The following ATP8A2 variants were observed in gnomAD, a reference collection of about 807,000 sequenced individuals.
ATP8A2 encodes the protein ATPase phospholipid transporting 8A2, also known as phospholipid-transporting ATPase IB.
ATP8A2 carries 100 observed loss-of-function variants against 165.6 expected under a neutral mutation model. The ratio of observed to expected loss-of-function variants is 0.60; its 90% confidence interval spans 0.51 to 0.71. ATP8A2 has a LOEUF of 0.71. Ranked by LOEUF, ATP8A2 falls within the 30% of genes least tolerant of loss-of-function variation. The pLI is 0.00. For synonymous variants in ATP8A2, 543 were observed against 548.8 expected (o/e 0.99, Z 0.15); for missense variants, 1,227 against 1,479.5 (o/e 0.83, Z 2.80).
chr13:25,519,627 A>G (rs74604172), intron 2 of ATP8A2, among the ~76,000 whole-genome samples: 1,790 of 152,262 alleles, frequency 0.012, 36 homozygotes, highest in African/African-American at 0.041. Context: ...TCATAGAGAA[A>G]TATTCCTGTT....
chr13:25,555,240 C>T lies in ATP8A2; in HGVS notation c.1263+172C>T, dbSNP rs540699468. Among the ~76,000 whole-genome samples, 3 of 152,084 alleles carry T rather than the reference C, an allele frequency of 2.0e-5. No homozygotes were observed. The South Asian group carries it at 6.2e-4, about 32-fold the overall frequency. On this transcript the variant is annotated intron_variant, in intron 13 of 36. Transcript: ENST00000381655. ...TGTGCCAGTAAATATAAGCGTTACT[C>T]AGTTTTGTCTTGCTTTTTGAGACAC...
chr13:25,954,043 G>T (rs1277978600), intron 33 of ATP8A2, among the ~76,000 whole-genome samples: 1 of 152,114 alleles, frequency 6.6e-6, no homozygotes, highest in Admixed American at 6.5e-5. Context: ...TGAAGCCAGG[G>T]AGCCAAGTAG....
Position 25,735,417 on chromosome 13 carries a change from G to A in ATP8A2, c.2385-33629G>A, listed in dbSNP as rs570898747. 3.3e-5 allele frequency among the ~76,000 whole-genome samples: 5 copies of A among 152,038 alleles called. No individual in the cohort carries two copies. In the South Asian group the frequency reaches 1.0e-3, roughly 32 times the overall value. On this transcript the variant is annotated intron_variant, in intron 25 of 36. Coordinates refer to ENST00000381655, the MANE Select transcript of ATP8A2 (RefSeq NM_016529.6). ...TGGGACCACAGGAGAGCACCACCAC[G>A]CCTGGCTAATTTTTTAAACTTTTTG... is the stretch of plus-strand genomic sequence containing the variant.
At chr13:25,969,385 G>T (rs545322860) in intron 35 of ATP8A2, among the ~76,000 whole-genome samples, 4 of 152,288 alleles carry the variant, frequency 2.6e-5, no homozygotes, top group South Asian at 2.1e-4. Flanking sequence ...AGAACAATTT[G>T]CAGGGTACTA....
chr13:25,983,554 C>A (rs191540505), intron 35 of ATP8A2, among the ~76,000 whole-genome samples: 3 of 152,174 alleles, frequency 2.0e-5, no homozygotes. Context: ...TCTAAAAGTA[C>A]ATTTCCTTTA....
At chr13:25,727,679 T>C (rs1358337106) in intron 25 of ATP8A2, among the ~76,000 whole-genome samples, 1 of 152,212 alleles carries the variant, frequency 6.6e-6, no homozygotes, top group Non-Finnish European at 1.5e-5. Context: ...TTCTATATAA[T>C]ATTTCACATT....
intron 25 of ATP8A2, among the ~76,000 whole-genome samples, chr13:25,740,668 T>A (rs569870929): frequency 6.6e-6 from 1 of 152,252 alleles, no homozygotes; most frequent in Admixed American, 6.5e-5. Context: ...CGAGAGGCAT[T>A]ATAGGTGGAA....
At chr13:25,607,989 A>G (rs890555690) in intron 24 of ATP8A2, among the ~76,000 whole-genome samples, 9 of 152,214 alleles carry the variant, frequency 5.9e-5, no homozygotes, top group Non-Finnish European at 1.3e-4. Flanking sequence ...TGATAGTAAA[A>G]TAAGAAGCAT....
intron 23 of ATP8A2, among the ~76,000 whole-genome samples, chr13:25,582,896 G>A (rs2039814592): frequency 6.6e-6 from 1 of 152,218 alleles, no homozygotes; most frequent in African/African-American, 2.4e-5. Flanking sequence ...CAAAAGCCAT[G>A]TAATCATTTC....
At chr13:25,593,425 A>C (rs1049504210) in intron 24 of ATP8A2, among the ~76,000 whole-genome samples, 1 of 152,186 alleles carries the variant, frequency 6.6e-6, no homozygotes, top group African/African-American at 2.4e-5. Context: ...TGAGTTTGTC[A>C]TATGCTGCCA....
In ATP8A2 at chr13:25,469,252, C is replaced by T. The variant is rs1346894811; in HGVS notation, c.221+131C>T. On this transcript the variant is annotated intron_variant, in intron 2 of 36. Transcript: ENST00000381655. Reference sequence around the variant, plus strand: ...ATCTCCCCCAGAGCCTTCCCCTGCCCCCTCCCCACCCCACTAGCCCGCGGT... The same window carrying T: ...ATCTCCCCCAGAGCCTTCCCCTGCCTCCTCCCCACCCCACTAGCCCGCGGT... 3 of 1,130,020 alleles carry T rather than the reference C, an allele frequency of 2.7e-6. No individual in the cohort carries two copies. In the East Asian group the frequency reaches 7.7e-5, roughly 29 times the overall value. The allele number at this position is 1,130,020 out of a possible 1,614,324, so 70.0% of individuals were successfully genotyped here.
At chr13:25,832,252 G>A (rs1279016762) in intron 28 of ATP8A2, among the ~76,000 whole-genome samples, 1 of 152,026 alleles carries the variant, frequency 6.6e-6, no homozygotes, top group Non-Finnish European at 1.5e-5. Flanking sequence ...TTGTTTTGTG[G>A]GTAGAATGAG....
At chr13:25,589,355 G>A (rs1478898764) in intron 23 of ATP8A2, among the ~76,000 whole-genome samples, 1 of 152,060 alleles carries the variant, frequency 6.6e-6, no homozygotes, top group African/African-American at 2.4e-5. Context: ...GACGATCCAA[G>A]GCTTATCTTA....
At chr13:25,644,508 G>T (rs2137587995) in intron 24 of ATP8A2, among the ~76,000 whole-genome samples, 1 of 89,246 alleles carries the variant, frequency 1.1e-5, no homozygotes, top group African/African-American at 4.2e-5. Flanking sequence ...AAGGATATTG[G>T]CTTGCAGTAT....
chr13:25,538,519 C>T (rs1470949906), intron 7 of ATP8A2, among the ~76,000 whole-genome samples: 1 of 152,178 alleles, frequency 6.6e-6, no homozygotes, highest in Non-Finnish European at 1.5e-5. Flanking sequence ...ATGGTGTTTG[C>T]TCTTCATCCA....
intron 25 of ATP8A2, among the ~76,000 whole-genome samples, chr13:25,725,438 G>A (rs907979375): frequency 2.0e-5 from 3 of 152,218 alleles, no homozygotes; most frequent in African/African-American, 7.2e-5. Context: ...GGTTCAGTCT[G>A]TGCTGACTCT....
chr13:25,986,168 C>T (rs1956277614), intron 35 of ATP8A2, among the ~76,000 whole-genome samples: 1 of 152,124 alleles, frequency 6.6e-6, no homozygotes, highest in African/African-American at 2.4e-5. Context: ...ATGATTGCCA[C>T]AATCAAGCTA....
chr13:25,927,852 G>A (rs1042014307), intron 33 of ATP8A2, among the ~76,000 whole-genome samples: 4 of 152,226 alleles, frequency 2.6e-5, no homozygotes, highest in Admixed American at 1.3e-4. Context: ...TCTCCAAACT[G>A]TATTTGATTT....
At chr13:25,893,318 G>A (rs1362757207) in intron 33 of ATP8A2, among the ~76,000 whole-genome samples, 2 of 150,556 alleles carry the variant, frequency 1.3e-5, no homozygotes, top group Non-Finnish European at 1.5e-5. Context: ...TTTTGTCCTT[G>A]TGGTAGTTTG....
Sources: gnomAD v4.1 joint callset for allele counts (sites outside exome capture counted in the v4.1 genomes callset) on GRCh38, gnomAD v4.1.1 for gene constraint, MANE v1.5 for transcripts, NCBI Gene and HGNC (gene_info 2026-07-23, HGNC 2026-07-21) for gene names.